The following EPHA6 variants were observed in gnomAD, a reference collection of about 807,000 sequenced individuals.
EPHA6 encodes ephrin type-A receptor 6.
A neutral mutation model predicts 112.0 loss-of-function variants in EPHA6; 50 were observed. That is an observed-to-expected ratio of 0.45 (90% CI 0.36 to 0.56). The LOEUF (loss-of-function observed/expected upper bound fraction) is 0.56. Among genes scored for constraint, EPHA6 ranks in the 20% least tolerant of loss-of-function variants. EPHA6 has a pLI of 0.00. For synonymous variants in EPHA6, 529 were observed against 490.7 expected (o/e 1.08, Z -1.03); for missense variants, 1,280 against 1,417.4 (o/e 0.90, Z 1.56).
intron 5 of EPHA6, among the ~76,000 whole-genome samples, chr3:97,335,463 T>C (rs567054138): frequency 6.6e-6 from 1 of 152,318 alleles, no homozygotes; most frequent in South Asian, 2.1e-4. Flanking sequence ...ATTTTGTTCA[T>C]GAATATTAAC....
At chr3:97,613,200 G>C (rs2093735277) in intron 13 of EPHA6, among the ~76,000 whole-genome samples, 2 of 152,028 alleles carry the variant, frequency 1.3e-5, no homozygotes, top group Non-Finnish European at 2.9e-5. Flanking sequence ...GTTAATAGCA[G>C]ATACTCAACT....
chr3:97,636,523 C>A (rs2093946922), intron 13 of EPHA6, among the ~76,000 whole-genome samples: 1 of 151,958 alleles, frequency 6.6e-6, no homozygotes, highest in Non-Finnish European at 1.5e-5. Context: ...AGAGAGGGTT[C>A]TTTCCCTTAC....
intron 12 of EPHA6, among the ~76,000 whole-genome samples, chr3:97,593,293 G>A (rs1483558122): frequency 1.3e-5 from 2 of 152,144 alleles, no homozygotes; most frequent in African/African-American, 2.4e-5. Context: ...ACAAAATATA[G>A]GATATTGAAC....
chr3:97,363,609 A>G (rs946634528), intron 5 of EPHA6, among the ~76,000 whole-genome samples: 32 of 152,182 alleles, frequency 2.1e-4, no homozygotes, highest in African/African-American at 7.5e-4. Flanking sequence ...TCTTCAAAAC[A>G]TTAAAAATAT....
chr3:97,105,237 GTTCT>G (rs1213441802), intron 3 of EPHA6, among the ~76,000 whole-genome samples: 2 of 151,860 alleles, frequency 1.3e-5, no homozygotes, highest in Non-Finnish European at 2.9e-5. Flanking sequence ...GTTAATTTGA[GTTCT>G]TTCTAACTCT....
chr3:97,171,447 A>G lies in EPHA6; in HGVS notation c.1115-54817A>G, dbSNP rs188454550. Among the ~76,000 whole-genome samples the G allele has an allele frequency of 1.1e-4, 17 of 152,248 alleles. No homozygotes were observed. The East Asian group carries it at 3.3e-3, about 29-fold the overall frequency. ...CAGGAATTGAATCACCTATATTTAT[A>G]GGAAGCAAGAAATAATGAACATAGA... On this transcript the variant is annotated intron_variant, in intron 3 of 17. Coordinates refer to ENST00000389672, the MANE Select transcript of EPHA6 (RefSeq NM_001080448.3).
intron 10 of EPHA6, among the ~76,000 whole-genome samples, chr3:97,487,580 T>C (rs141025512): frequency 6.6e-6 from 1 of 152,356 alleles, no homozygotes; most frequent in Admixed American, 6.5e-5. Flanking sequence ...ACTGTGCAAC[T>C]GAACCATAAA....
chr3:97,655,562 A>G (rs1169171480), intron 14 of EPHA6, among the ~76,000 whole-genome samples: 1 of 151,908 alleles, frequency 6.6e-6, no homozygotes, highest in Non-Finnish European at 1.5e-5. Context: ...AGTCTTTGCT[A>G]TTGTGAATAG....
chr3:97,400,770 C>A (rs1368859960), intron 5 of EPHA6, among the ~76,000 whole-genome samples: 2 of 151,586 alleles, frequency 1.3e-5, no homozygotes, highest in Non-Finnish European at 3.0e-5. Flanking sequence ...GATTTTCTAT[C>A]CTGCAGCTTT....
intron 2 of EPHA6, among the ~76,000 whole-genome samples, chr3:96,981,951 CTTT>C (rs1249172337): frequency 2.2e-4 from 33 of 152,000 alleles, no homozygotes; most frequent in Non-Finnish European, 4.9e-4. Context: ...CTCTTTTCTT[CTTT>C]ATTAGTCCTG....
At chr3:97,119,689 T>G (rs1328884905) in intron 3 of EPHA6, among the ~76,000 whole-genome samples, 1 of 152,036 alleles carries the variant, frequency 6.6e-6, no homozygotes, top group Non-Finnish European at 1.5e-5. Flanking sequence ...GTTTTGCCCG[T>G]GTAAATGGAG....
chr3:97,373,947 G>A (rs905492400), intron 5 of EPHA6, among the ~76,000 whole-genome samples: 4 of 152,088 alleles, frequency 2.6e-5, no homozygotes, highest in African/African-American at 9.7e-5. Context: ...CTTTAAAAAG[G>A]TGGTCTTTTG....
chr3:97,590,239 A>C (rs181185009), intron 11 of EPHA6: 1 of 152,320 alleles, frequency 6.6e-6, no homozygotes, highest in East Asian at 1.9e-4. Context: ...CAGTTCCTTA[A>C]GGAAGAGATG....
intron 14 of EPHA6, among the ~76,000 whole-genome samples, chr3:97,649,934 C>T (rs1349656852): frequency 6.6e-6 from 1 of 152,000 alleles, no homozygotes; most frequent in Non-Finnish European, 1.5e-5. Context: ...TACTCTTGAT[C>T]CAGCAAATGT....
chr3:97,696,696 A>T (rs1413565055), intron 14 of EPHA6, among the ~76,000 whole-genome samples: 1 of 152,172 alleles, frequency 6.6e-6, no homozygotes, highest in Non-Finnish European at 1.5e-5. Flanking sequence ...TAATTATAAT[A>T]ACTAAATTTT....
Position 97,110,955 on chromosome 3 carries a change from C to G in EPHA6, c.1115-115309C>G, listed in dbSNP as rs115402881. ...GTACTACAAAATATGTGATTATTAC[C>G]TATACTAATATTTAAATAGTTTATA... On this transcript the variant is annotated intron_variant, in intron 3 of 17. Coordinates refer to ENST00000389672, the MANE Select transcript of EPHA6 (RefSeq NM_001080448.3). Among the ~76,000 whole-genome samples, 386 of 152,162 alleles carry G rather than the reference C, an allele frequency of 2.5e-3. 1 individual carries two copies. Among genetic ancestry groups the G allele is most frequent in the African/African-American group, 9.1e-3 (377 of 41,510 alleles).
At chr3:97,043,531 T>C (rs1027711520) in intron 3 of EPHA6, among the ~76,000 whole-genome samples, 6 of 152,108 alleles carry the variant, frequency 3.9e-5, no homozygotes, top group African/African-American at 1.4e-4. Flanking sequence ...CACTAACGGA[T>C]CTTGTACCAA....
intron 2 of EPHA6, among the ~76,000 whole-genome samples, chr3:96,982,901 T>G (rs71623009): frequency 1.3e-5 from 2 of 152,196 alleles, no homozygotes; most frequent in Non-Finnish European, 2.9e-5. Context: ...GTTTTCCATT[T>G]GCTTGGTAGA....
rs1388230060 is a variant in EPHA6 at position 96,863,769 on chromosome 3, T to C, written c.386-3056T>C. On this transcript the variant is annotated intron_variant, in intron 1 of 17. Coordinates refer to ENST00000389672, the MANE Select transcript of EPHA6 (RefSeq NM_001080448.3). ...TTAAATGAATTAATGAATTAACTTA[T>C]TGGTCATAATTCCTATATAAAACTT... 3.3e-5 allele frequency among the ~76,000 whole-genome samples: 5 copies of C among 152,138 alleles called. No individual in the cohort carries two copies. In the South Asian group the frequency reaches 8.3e-4, roughly 25 times the overall value.
Sources: allele counts gnomAD v4.1 joint callset (sites outside exome capture counted in the v4.1 genomes callset), GRCh38; gene constraint gnomAD v4.1.1; transcripts MANE v1.5; gene names NCBI Gene and HGNC (gene_info 2026-07-23, HGNC 2026-07-21).